SPAG17: variants seen among roughly 807,000 people sequenced by gnomAD.
The protein encoded by SPAG17 is sperm-associated antigen 17.
Under a neutral mutation model 273.6 loss-of-function variants are expected in SPAG17, and 169 were observed. That is an observed-to-expected ratio of 0.62 (90% CI 0.55 to 0.70). SPAG17 has a LOEUF of 0.70. SPAG17 is among the 30% of genes least tolerant of loss of function. SPAG17 has a pLI of 0.00. For missense variants in SPAG17, 2,557 were observed against 2,627.8 expected, an observed-to-expected ratio of 0.97 and a Z score of 0.59; for synonymous variants, 825 against 873.2, an observed-to-expected ratio of 0.94 and a Z score of 0.97.
chr1:118,075,600 T>C (rs2102117747), intron 15 of SPAG17, among the ~76,000 whole-genome samples: 1 of 152,318 alleles, frequency 6.6e-6, no homozygotes, highest in Middle Eastern at 3.4e-3. Flanking sequence ...GAGGTGGATT[T>C]TGTGGGAATA....
chr1:118,156,912 C>G (rs1659678057), intron 1 of SPAG17, among the ~76,000 whole-genome samples: 1 of 152,038 alleles, frequency 6.6e-6, no homozygotes, highest in South Asian at 2.1e-4. Context: ...ACAGTGTGTG[C>G]TGTCATGTTC....
At chr1:118,044,707 C>G (rs924051890) in intron 20 of SPAG17, among the ~76,000 whole-genome samples, 2 of 151,968 alleles carry the variant, frequency 1.3e-5, no homozygotes, top group Non-Finnish European at 1.5e-5. Flanking sequence ...CAGATTTTCC[C>G]CTTGCTGTTC....
intron 19 of SPAG17, among the ~76,000 whole-genome samples, chr1:118,054,709 G>T (rs1651456521): frequency 6.6e-6 from 1 of 151,934 alleles, no homozygotes; most frequent in Admixed American, 6.6e-5. Context: ...AAAAAATATA[G>T]TCCTATCTAT....
chr1:118,046,276 G>A (rs1307283518), intron 20 of SPAG17, among the ~76,000 whole-genome samples: 5 of 152,054 alleles, frequency 3.3e-5, no homozygotes, highest in Non-Finnish European at 7.4e-5. Context: ...ATTTGAGGCT[G>A]CAGTGAGTTA....
chr1:118,017,700 A>G (rs1571250592), intron 28 of SPAG17, among the ~76,000 whole-genome samples: 1 of 152,328 alleles, frequency 6.6e-6, no homozygotes, highest in East Asian at 1.9e-4. Context: ...TTGGCAGAAG[A>G]GATAAACAGG....
intron 20 of SPAG17, 109 bp from the exon 21 acceptor site, chr1:118,042,151 T>G (rs929973501): frequency 5.8e-5 from 76 of 1,319,916 alleles, no homozygotes; most frequent in Admixed American, 4.7e-4. Flanking sequence ...AGTGTATCTC[T>G]GACAAATCAA....
At chr1:118,047,423 G>A (rs1379757516) in intron 20 of SPAG17, among the ~76,000 whole-genome samples, 1 of 152,070 alleles carries the variant, frequency 6.6e-6, no homozygotes, top group Non-Finnish European at 1.5e-5. Flanking sequence ...CCAATGCCAG[G>A]CCAGCCCCTG....
intron 1 of SPAG17, among the ~76,000 whole-genome samples, chr1:118,174,828 A>G (rs1211056646): frequency 6.6e-6 from 1 of 152,214 alleles, no homozygotes; most frequent in Non-Finnish European, 1.5e-5. Context: ...AAGTGCTGAA[A>G]GAAAAAGACT....
In SPAG17 at chr1:118,151,278, G is replaced by A; in HGVS notation, c.179C>T (p.Pro60Leu). Residue 60 changes from proline to leucine, a missense_variant, in exon 2 of 49, where the codon CCT becomes CTT. Coordinates refer to ENST00000336338, the MANE Select transcript of SPAG17 (RefSeq NM_206996.4). ...CACCATACTGAAGAGTTTACGCTGA[G>A]GGACCTGGACAGCCACGGTAAGGGC... Reference protein sequence around the residue: ...IQALTVAVQVPQRKLFSMVSW... With the variant: ...IQALTVAVQVLQRKLFSMVSW... The A allele has an allele frequency of 6.2e-7, 1 of 1,613,346 alleles. No homozygotes were observed. Among genetic ancestry groups the A allele is most frequent in the Non-Finnish European group, 8.5e-7 (1 of 1,179,518 alleles).
At chr1:118,104,748 T>A (rs1226076216) in intron 4 of SPAG17, among the ~76,000 whole-genome samples, 1 of 152,124 alleles carries the variant, frequency 6.6e-6, no homozygotes, top group African/African-American at 2.4e-5. Flanking sequence ...GTAGGTAACA[T>A]GAAGAAGAGC....
At chr1:118,052,907 A>T (rs1165947146) in intron 20 of SPAG17, among the ~76,000 whole-genome samples, 1 of 152,010 alleles carries the variant, frequency 6.6e-6, no homozygotes, top group Non-Finnish European at 1.5e-5. Flanking sequence ...AGATGTTCCC[A>T]GGAGATTATT....
At chr1:118,027,195 A>T (rs1234348281) in intron 26 of SPAG17, among the ~76,000 whole-genome samples, 1 of 152,182 alleles carries the variant, frequency 6.6e-6, no homozygotes, top group Non-Finnish European at 1.5e-5. Flanking sequence ...CCCAGTGAAG[A>T]CATGCAGCAC....
rs764167633 is a variant in SPAG17, at chr1:118,100,892, T to G, written c.634+848A>C. On this transcript the variant is annotated intron_variant, in intron 5 of 48. Coordinates refer to ENST00000336338, the MANE Select transcript of SPAG17 (RefSeq NM_206996.4). ...CAAAATGATTGTGGGGGAGTTGGGG[T>G]AGGAAACTATGTGCTCTATGTGAGT... is the stretch of plus-strand genomic sequence containing the variant. Among the ~76,000 whole-genome samples the G allele has an allele frequency of 2.3e-4, 35 of 152,118 alleles. 1 individual carries two copies. The highest frequency in any genetic ancestry group is 4.1e-4 in the Non-Finnish European group (28 of 68,020).
In SPAG17 at chr1:118,089,981, C is replaced by T. The variant is rs531316312; in HGVS notation, c.1359+1625G>A. Among the ~76,000 whole-genome samples, 7 of 152,268 alleles carry T rather than the reference C, an allele frequency of 4.6e-5. No individual in the cohort carries two copies. The East Asian group carries it at 1.3e-3, about 29-fold the overall frequency. On this transcript the variant is annotated intron_variant, in intron 10 of 48. Transcript: ENST00000336338. ...GTGAAGAAGGTGCCTGCTTTCCCTT[C>T]TACTATGACTGTAAGTTTCCTGAGG... is the stretch of plus-strand genomic sequence containing the variant.
At chr1:118,019,500 A>G (rs1292033884) in intron 28 of SPAG17, among the ~76,000 whole-genome samples, 5 of 152,120 alleles carry the variant, frequency 3.3e-5, no homozygotes, top group Non-Finnish European at 7.4e-5. Context: ...GGCCTCTTAA[A>G]TATGTTTAAC....
intron 8 of SPAG17, among the ~76,000 whole-genome samples, chr1:118,092,874 T>G (rs1274335870): frequency 1.3e-5 from 2 of 152,170 alleles, no homozygotes; most frequent in African/African-American, 4.8e-5. Context: ...CATAGCCAGG[T>G]GCTAAATAAA....
rs752360432 is a variant in SPAG17 at position 118,097,841 on chromosome 1, T to G, written c.840A>C (p.Ala280=). The G allele has an allele frequency of 6.3e-7, 1 of 1,584,760 alleles. No individual in the cohort carries two copies. Among genetic ancestry groups the G allele is most frequent in the Non-Finnish European group, 8.6e-7 (1 of 1,169,284 alleles). ...EVLLQSEDLE[A]EKLKKENAIK... ...TGGCATTTTCTTTCTTCAATTTTTC[T>G]GCTTCTAGATCTAATAATAGCAACA... Residue 280 remains alanine, a synonymous_variant, in exon 7 of 49, where the codon GCA becomes GCC. Coordinates refer to ENST00000336338, the MANE Select transcript of SPAG17 (RefSeq NM_206996.4).
intron 3 of SPAG17, among the ~76,000 whole-genome samples, chr1:118,147,544 A>G (rs756527141): frequency 6.6e-6 from 1 of 152,204 alleles, no homozygotes; most frequent in Non-Finnish European, 1.5e-5. Context: ...GCTTTCCAAA[A>G]AGAGAATGTG....
At chr1:118,182,302 G>C (rs1170390314) in intron 1 of SPAG17, among the ~76,000 whole-genome samples, 4 of 152,066 alleles carry the variant, frequency 2.6e-5, no homozygotes, top group Non-Finnish European at 5.9e-5. Flanking sequence ...GGGAAGGATG[G>C]GGAATTAATA....
Sources: allele counts gnomAD v4.1 joint callset (sites outside exome capture counted in the v4.1 genomes callset), GRCh38; gene constraint gnomAD v4.1.1; transcripts MANE v1.5; gene names NCBI Gene and HGNC (gene_info 2026-07-23, HGNC 2026-07-21).